PPP2CA: variants seen among roughly 807,000 people sequenced by gnomAD.
PPP2CA encodes protein phosphatase 2 catalytic subunit alpha.
In PPP2CA, 5 loss-of-function variants were observed where a neutral mutation model predicts 38.8. That is an observed-to-expected ratio of 0.13 (90% CI 0.07 to 0.27). The LOEUF is 0.27. PPP2CA is among the 10% of genes least tolerant of loss of function. The pLI is 1.00. For missense variants in PPP2CA, 88 were observed against 389.7 expected (o/e 0.23, Z 6.52); for synonymous variants, 152 against 134.0 (o/e 1.13, Z -0.93).
chr5:134,202,329 T>C (rs1007178749), intron 2 of PPP2CA: 8 of 244,718 alleles, frequency 3.3e-5, no homozygotes, highest in African/African-American at 1.6e-4. Context: ...TTTATAGTTA[T>C]GCAACAATCA....
intron 1 of PPP2CA, among the ~76,000 whole-genome samples, chr5:134,212,037 T>C (rs1010652904): frequency 6.6e-6 from 1 of 152,098 alleles, no homozygotes. Flanking sequence ...GGAGAATCAC[T>C]TGAACCTGGG....
At chr5:134,200,951 T>C in intron 4 of PPP2CA, 34 bp downstream of exon 4, 7 of 1,523,996 alleles carry the variant, frequency 4.6e-6, no homozygotes, top group Non-Finnish European at 6.4e-6. Context: ...CCTAATAAGT[T>C]TTCTGAAAGA....
At chr5:134,213,645 A>G (rs192418574) in intron 1 of PPP2CA, among the ~76,000 whole-genome samples, 1 of 152,178 alleles carries the variant, frequency 6.6e-6, no homozygotes, top group East Asian at 1.9e-4. Flanking sequence ...TTAGCTAGGC[A>G]TGGTGGTGCA....
intron 1 of PPP2CA, among the ~76,000 whole-genome samples, chr5:134,213,096 C>T (rs1762240143): frequency 1.3e-5 from 2 of 152,212 alleles, no homozygotes; most frequent in South Asian, 4.1e-4. Flanking sequence ...AACAGGTTTT[C>T]AATGTAGACG....
chr5:134,225,697 G>C lies in PPP2CA; in HGVS notation c.102+63C>G, dbSNP rs1762560817. 3.3e-6 allele frequency: 5 copies of C among 1,507,926 alleles called. No individual in the cohort carries two copies. In the South Asian group the frequency reaches 3.4e-5, roughly 10 times the overall value. The allele number at this position is 1,507,926 out of a possible 1,614,324, so 93.4% of individuals were successfully genotyped here. A position where few individuals can be genotyped will look rare whatever the true frequency, so the allele number is the denominator to read the frequency against. On this transcript the variant is annotated intron_variant, in intron 1 of 6. Coordinates refer to ENST00000481195, the MANE Select transcript of PPP2CA (RefSeq NM_002715.4). ...CTCCGCCATGTTGCACCCTCCTCAC[G>C]GCCGCCTTTTCCTCGGCGGGCTCGG...
intron 3 of PPP2CA, 120 bp downstream of exon 3, chr5:134,201,728 C>A: frequency 9.1e-7 from 1 of 1,101,616 alleles, no homozygotes; most frequent in South Asian, 1.6e-5. Flanking sequence ...TGAATGCTAT[C>A]AATATCTATT....
intron 2 of PPP2CA, among the ~76,000 whole-genome samples, chr5:134,202,757 T>C (rs1761995310): frequency 6.6e-6 from 1 of 152,232 alleles, no homozygotes; most frequent in Non-Finnish European, 1.5e-5. Flanking sequence ...AAGAATATAA[T>C]TGTTGGATCA....
intron 1 of PPP2CA, among the ~76,000 whole-genome samples, chr5:134,222,013 T>TCCCAATTTAGCTTGGC (rs1013290447): frequency 1.3e-5 from 2 of 151,570 alleles, no homozygotes; most frequent in Non-Finnish European, 2.9e-5. Context: ...AGTGTTGACT[T>TCCCAATTTAGCTTGGC]CCCAATTTAG....
intron 1 of PPP2CA, among the ~76,000 whole-genome samples, chr5:134,216,304 G>A (rs1175478510): frequency 2.6e-5 from 4 of 151,736 alleles, no homozygotes; most frequent in Non-Finnish European, 5.9e-5. Flanking sequence ...CGGGAGGCCA[G>A]GGTGGGTGGA....
intron 1 of PPP2CA, among the ~76,000 whole-genome samples, chr5:134,214,952 G>GC (rs1358604192): frequency 1.3e-5 from 2 of 151,476 alleles, no homozygotes; most frequent in African/African-American, 4.9e-5. Flanking sequence ...TTTTATATCA[G>GC]CATCTTAAAC....
chr5:134,212,363 G>A (rs1458899453), intron 1 of PPP2CA, among the ~76,000 whole-genome samples: 1 of 152,188 alleles, frequency 6.6e-6, no homozygotes, highest in Non-Finnish European at 1.5e-5. Context: ...CTGTTATGGT[G>A]ATATGTGATC....
Position 134,199,091 on chromosome 5 carries a change from G to A in PPP2CA, c.852C>T (p.Tyr284=), listed in dbSNP as rs777385847. 1.2e-6 allele frequency: 2 copies of A among 1,601,546 alleles called. No homozygotes were observed. Among genetic ancestry groups the A allele is most frequent in the South Asian group, 1.1e-5 (1 of 90,794 alleles). Residue 284 remains tyrosine, a synonymous_variant, in exon 6 of 7, where the codon TAC becomes TAT. Coordinates refer to ENST00000481195, the MANE Select transcript of PPP2CA (RefSeq NM_002715.4). Reference sequence around the variant, plus strand: ...GTTCAGGTAGAATTACTTACAAAGAGTATTTTAGAGTATCGTCAAGTTCCA... The same window carrying A: ...GTTCAGGTAGAATTACTTACAAAGAATATTTTAGAGTATCGTCAAGTTCCA... ...AIMELDDTLK[Y]SFLQFDPAPR... is the part of the protein sequence containing the mutation.
At chr5:134,201,654 T>A (rs1366645743) in intron 3 of PPP2CA, among the ~76,000 whole-genome samples, 194 bp downstream of exon 3, 10 of 152,232 alleles carry the variant, frequency 6.6e-5, no homozygotes, top group African/African-American at 2.4e-4. Context: ...GTGCCTGATA[T>A]AAAGAATAAT....
At chr5:134,204,933 CGATA>C (rs1762046026) in intron 2 of PPP2CA, among the ~76,000 whole-genome samples, 1 of 124,060 alleles carries the variant, frequency 8.1e-6, no homozygotes, top group African/African-American at 3.1e-5. Context: ...ACTTCTTCCT[CGATA>C]TTTTTTTTTT....
rs749927920 is a variant in PPP2CA, at chr5:134,225,897, T to TCC, written c.-37_-36insGG. The TCC allele has an allele frequency of 1.2e-5, 19 of 1,590,052 alleles. No individual in the cohort carries two copies. The East Asian group carries it at 4.3e-4, about 36-fold the overall frequency. On this transcript the variant is annotated 5_prime_UTR_variant, in exon 1 of 7. Transcript: ENST00000481195. ...GCCCCAGCCGGCTGCCGCTCCGCGC[T>TCC]GCTCCCGCGCCGCCGCCCGCACACG...
In PPP2CA at chr5:134,225,785, G is replaced by A. The variant is rs772521505; in HGVS notation, c.77C>T (p.Ser26Phe). ...QLNECKQLSESQVKSLCEKAK... is the reference protein window; with the variant it reads ...QLNECKQLSEFQVKSLCEKAK... ...CTTCTCGCAGAGGCTCTTGACCTGG[G>A]ACTCGGACAGCTGCTTGCACTCGTT... Residue 26 changes from serine to phenylalanine, a missense_variant, in exon 1 of 7, where the codon TCC becomes TTC. Ser to Phe is a radical substitution (Grantham distance 155, BLOSUM62 -2). This residue lies in a region of PPP2CA where 34 missense variants were observed against 57.1 expected (regional missense o/e 0.60). Coordinates refer to ENST00000481195, the MANE Select transcript of PPP2CA (RefSeq NM_002715.4). The A allele has an allele frequency of 1.9e-6, 3 of 1,610,438 alleles. No individual in the cohort carries two copies. The highest frequency in any genetic ancestry group is 2.5e-6 in the Non-Finnish European group (3 of 1,179,092).
chr5:134,198,460 C>A (rs896484099), intron 6 of PPP2CA, among the ~76,000 whole-genome samples: 2 of 151,766 alleles, frequency 1.3e-5, no homozygotes, highest in African/African-American at 2.4e-5. Context: ...GTAATTCATA[C>A]GAAGATCTAT....
chr5:134,217,405 T>C (rs1016124241), intron 1 of PPP2CA, among the ~76,000 whole-genome samples: 3 of 152,178 alleles, frequency 2.0e-5, no homozygotes, highest in Non-Finnish European at 2.9e-5. Context: ...TATAAAGACA[T>C]AGAAGAAACA....
Position 134,197,672 on chromosome 5 carries a change from T to C in PPP2CA, c.*100A>G, listed in dbSNP as rs1393032128. Reference sequence around the variant, plus strand: ...TCCATGTGAAAACAAGTTTTTTGAATGTTAACTATTTTCTGACACTTTGGA... The same window carrying C: ...TCCATGTGAAAACAAGTTTTTTGAACGTTAACTATTTTCTGACACTTTGGA... On this transcript the variant is annotated 3_prime_UTR_variant, in exon 7 of 7. Coordinates refer to ENST00000481195, the MANE Select transcript of PPP2CA (RefSeq NM_002715.4). The C allele has an allele frequency of 1.0e-6, 1 of 964,812 alleles. No homozygotes were observed. The highest frequency in any genetic ancestry group is 1.6e-5 in the African/African-American group (1 of 61,628). The allele number at this position is 964,812 out of a possible 1,614,324, so 59.8% of individuals were successfully genotyped here. A position where few individuals can be genotyped will look rare whatever the true frequency, so the allele number is the denominator to read the frequency against.
Sources: allele counts gnomAD v4.1 joint callset (sites outside exome capture counted in the v4.1 genomes callset), GRCh38; gene constraint gnomAD v4.1.1; regional missense constraint gnomAD v4.1.1; transcripts MANE v1.5; gene names NCBI Gene and HGNC (gene_info 2026-07-23, HGNC 2026-07-21).